KCNQ1: variants seen among roughly 807,000 people sequenced by gnomAD.
KCNQ1 encodes the protein potassium voltage-gated channel subfamily KQT member 1.
Under a neutral mutation model 72.4 loss-of-function variants are expected in KCNQ1, and 49 were observed. That is an observed-to-expected ratio of 0.68 (90% confidence interval 0.54 to 0.86). The LOEUF (loss-of-function observed/expected upper bound fraction) is 0.86. Among genes scored for constraint, KCNQ1 ranks in the 40% least tolerant of loss-of-function variants. The pLI is 0.00. For missense variants in KCNQ1, 790 were observed against 945.1 expected (o/e 0.84, Z 2.15); for synonymous variants, 450 against 412.6 (o/e 1.09, Z -1.10).
At position 2,711,553 on chromosome 11, in the gene KCNQ1, T is replaced by C. The variant is rs1300351868; in HGVS notation, c.1514+49472T>C. On this transcript the variant is annotated intron_variant, in intron 11 of 15. Transcript: ENST00000155840. The surrounding 1 kb of genome is among the most constrained non-coding windows in gnomAD (Gnocchi z 5.4). The stretch of plus-strand genomic sequence containing the variant: ...GGGTGTCGCCTGCCCAGAACGGGGC[T>C]CTCGGAGGCCAGGGTGACTCCACTA... Among the ~76,000 whole-genome samples the C allele has an allele frequency of 6.6e-6, 1 of 152,082 alleles. No homozygotes were observed. The highest frequency in any genetic ancestry group is 1.9e-4 in the East Asian group (1 of 5,180).
intron 11 of KCNQ1, among the ~76,000 whole-genome samples, chr11:2,728,376 G>A (rs747768484): frequency 5.3e-5 from 8 of 152,254 alleles, no homozygotes; most frequent in Non-Finnish European, 7.3e-5. Flanking sequence ...GACCACAGCC[G>A]GCTGAACGCC....
At chr11:2,555,379 G>A (rs1480076452) in intron 2 of KCNQ1, among the ~76,000 whole-genome samples, 3 of 152,238 alleles carry the variant, frequency 2.0e-5, no homozygotes, top group African/African-American at 7.2e-5. Flanking sequence ...CATCAGCAGT[G>A]GGGTTCCCAG....
At chr11:2,709,498 A>G (rs11825554) in intron 11 of KCNQ1, among the ~76,000 whole-genome samples, 4,449 of 152,058 alleles carry the variant, frequency 0.029, 202 homozygotes, top group African/African-American at 0.077. Context: ...TTCACATACC[A>G]TACAATTCAC....
chr11:2,699,476 A>C, intron 11 of KCNQ1: 1 of 380,840 alleles, frequency 2.6e-6, no homozygotes, highest in Admixed American at 4.6e-5. Flanking sequence ...TGCCGCGCTG[A>C]GGAGCCCCCG....
intron 15 of KCNQ1, among the ~76,000 whole-genome samples, chr11:2,788,761 C>T (rs1392374042): frequency 1.3e-5 from 2 of 152,136 alleles, no homozygotes; most frequent in African/African-American, 2.4e-5. Flanking sequence ...TGGCGGAGTC[C>T]GGAGGGGCTG....
Position 2,570,743 on chromosome 11 carries a change from T to C in KCNQ1, c.593T>C (p.Ile198Thr), listed in dbSNP as rs1316747871. 6.2e-7 allele frequency: 1 copy of C among 1,611,288 alleles called. No homozygotes were observed. The highest frequency in any genetic ancestry group is 2.2e-5 in the East Asian group (1 of 44,878). ...WGRLRFARKP[I>T]SIIDLIVVVA... is the part of the protein sequence containing the mutation. ...CGGCTGCGCTTTGCCCGGAAGCCCATTTCCATCATCGGTGAGTCATGCCTG... is the reference window on the plus strand; with the variant it reads ...CGGCTGCGCTTTGCCCGGAAGCCCACTTCCATCATCGGTGAGTCATGCCTG... The change falls in exon 3 of 16, where the codon ATT becomes ACT. Residue 198 changes from isoleucine to threonine, a missense_variant. Coordinates refer to ENST00000155840, the MANE Select transcript of KCNQ1 (RefSeq NM_000218.3).
chr11:2,472,214 GGT>G (rs1292371108), intron 1 of KCNQ1, among the ~76,000 whole-genome samples: 14 of 143,828 alleles, frequency 9.7e-5, no homozygotes, highest in East Asian at 6.3e-4. Flanking sequence ...CATGTGTGTA[GGT>G]GTGTGTGTTC....
intron 2 of KCNQ1, among the ~76,000 whole-genome samples, chr11:2,568,763 G>T (rs547620603): frequency 3.9e-5 from 6 of 152,320 alleles, no homozygotes; most frequent in African/African-American, 1.4e-4. Context: ...AGCTCAGCCG[G>T]ACCTCAGCCT....
At chr11:2,800,160 C>T (rs1445126598) in intron 15 of KCNQ1, among the ~76,000 whole-genome samples, 3 of 152,178 alleles carry the variant, frequency 2.0e-5, no homozygotes, top group Non-Finnish European at 2.9e-5. Context: ...CAGCCCCACC[C>T]AAAAGGCCAG....
chr11:2,587,249 A>T (rs1400646016), intron 8 of KCNQ1, among the ~76,000 whole-genome samples: 1 of 152,168 alleles, frequency 6.6e-6, no homozygotes, highest in South Asian at 2.1e-4. Context: ...ATGATGTGCG[A>T]CCTGCCCACC....
intron 10 of KCNQ1, chr11:2,615,088 C>T (rs1010180039): frequency 5.0e-6 from 2 of 398,110 alleles, no homozygotes; most frequent in African/African-American, 4.1e-5. Flanking sequence ...GTTTTGTAGT[C>T]TTTAGTGCAG....
intron 15 of KCNQ1, among the ~76,000 whole-genome samples, chr11:2,841,794 G>A (rs1367824803): frequency 6.6e-6 from 1 of 152,230 alleles, no homozygotes; most frequent in East Asian, 1.9e-4. Flanking sequence ...GGCCCTTGGG[G>A]GGCCAAGCAT....
chr11:2,487,103 TTTCC>T (rs1245375180), intron 1 of KCNQ1, among the ~76,000 whole-genome samples: 3 of 152,208 alleles, frequency 2.0e-5, no homozygotes, highest in Non-Finnish European at 4.4e-5. Context: ...GATTTCCAGT[TTTCC>T]CAGCACCATT....
chr11:2,836,784 C>G lies in KCNQ1; in HGVS notation c.1795-10983C>G, dbSNP rs76868685. 3.3e-4 allele frequency among the ~76,000 whole-genome samples: 50 copies of G among 152,348 alleles called. No homozygotes were observed. In the East Asian group the frequency reaches 9.6e-3, roughly 29 times the overall value. On this transcript the variant is annotated intron_variant, in intron 15 of 15. Coordinates refer to ENST00000155840, the MANE Select transcript of KCNQ1 (RefSeq NM_000218.3). Reference sequence around the variant, plus strand: ...CTGACCAGGCAGAACCAGGCACGAGCTGCGTATCAAAGTTGCTGGAAGGAG... The same window carrying G: ...CTGACCAGGCAGAACCAGGCACGAGGTGCGTATCAAAGTTGCTGGAAGGAG...
chr11:2,733,814 A>ACTCTCTCT (rs1554914246), intron 11 of KCNQ1, among the ~76,000 whole-genome samples: 1 of 86,612 alleles, frequency 1.2e-5, no homozygotes, highest in Non-Finnish European at 2.4e-5. Context: ...ACACACACAC[A>ACTCTCTCT]CTCTCTCACT....
At chr11:2,843,562 G>T (rs1220932059) in intron 15 of KCNQ1, among the ~76,000 whole-genome samples, 1 of 152,252 alleles carries the variant, frequency 6.6e-6, no homozygotes, top group East Asian at 1.9e-4. Flanking sequence ...TGGGAGCAGC[G>T]GGTGTGCCCG....
intron 11 of KCNQ1, among the ~76,000 whole-genome samples, chr11:2,709,814 T>G (rs1287464644): frequency 6.6e-6 from 1 of 152,264 alleles, no homozygotes; most frequent in African/African-American, 2.4e-5. Context: ...CATGTATCAG[T>G]GTTTCATTCC....
intron 1 of KCNQ1, among the ~76,000 whole-genome samples, chr11:2,456,786 A>C (rs1175980817): frequency 1.5e-5 from 2 of 137,730 alleles, no homozygotes; most frequent in Admixed American, 7.3e-5. Context: ...AAAAAAAAAA[A>C]AAATTAGCCG....
intron 10 of KCNQ1, chr11:2,636,373 T>G (rs1849465048): frequency 2.0e-5 from 3 of 152,028 alleles, no homozygotes; most frequent in South Asian, 4.2e-4. Context: ...ATACCTAATT[T>G]ATTGAGAGTT....
Sources: gnomAD v4.1 joint callset for allele counts (sites outside exome capture counted in the v4.1 genomes callset) on GRCh38, gnomAD v4.1.1 for gene constraint, Gnocchi (gnomAD v3.1) non-coding constraint, MANE v1.5 for transcripts, NCBI Gene and HGNC (gene_info 2026-07-23, HGNC 2026-07-21) for gene names.